Variants in COMMD1 observed in about 807,000 individuals in gnomAD.
COMMD1 encodes the protein COMM domain-containing protein 1.
Under a neutral mutation model 17.2 loss-of-function variants are expected in COMMD1, and 10 were observed. The ratio of observed to expected loss-of-function variants is 0.58; its 90% CI spans 0.36 to 0.99. The LOEUF (loss-of-function observed/expected upper bound fraction) is 0.99. Ranked by LOEUF, COMMD1 falls within the 50% of genes least tolerant of loss-of-function variation. The pLI, the probability that COMMD1 is intolerant of heterozygous loss-of-function variation, is 0.01. For missense variants in COMMD1, 270 were observed against 231.8 expected, an observed-to-expected ratio of 1.17 and a Z score of -1.07; for synonymous variants, 97 against 91.6, an observed-to-expected ratio of 1.06 and a Z score of -0.34.
chr2:61,992,318 T>A (rs1433963661), intron 1 of COMMD1, among the ~76,000 whole-genome samples: 6 of 152,236 alleles, frequency 3.9e-5, no homozygotes, highest in African/African-American at 1.4e-4. Flanking sequence ...TGGTGTTTAT[T>A]AAAACCGTGA....
intron 1 of COMMD1, among the ~76,000 whole-genome samples, chr2:61,925,532 G>T (rs765868742): frequency 2.0e-5 from 3 of 152,178 alleles, no homozygotes; most frequent in Admixed American, 2.0e-4. Flanking sequence ...ACCTCCCCCT[G>T]TGGGGTCTGG....
chr2:61,934,310 C>T (rs180940888), intron 1 of COMMD1, among the ~76,000 whole-genome samples: 267 of 152,226 alleles, frequency 1.8e-3, no homozygotes, highest in African/African-American at 5.4e-3. Context: ...GGGATGTCCA[C>T]AGTAAATGAA....
At chr2:62,111,539 G>A (rs930557668) in intron 2 of COMMD1, among the ~76,000 whole-genome samples, 1 of 152,170 alleles carries the variant, frequency 6.6e-6, no homozygotes, top group African/African-American at 2.4e-5. Flanking sequence ...CAGATATGGG[G>A]CAGGACCCTC....
chr2:62,115,851 TCTTTCTTTC>T (rs1672580195), intron 2 of COMMD1, among the ~76,000 whole-genome samples: 2 of 117,780 alleles, frequency 1.7e-5, no homozygotes, highest in East Asian at 2.2e-4. Context: ...TTTCTTTCTT[TCTTTCTTTC>T]TTTTTTTTTT....
intron 2 of COMMD1, among the ~76,000 whole-genome samples, chr2:62,093,762 C>T (rs1312394074): frequency 2.0e-5 from 3 of 152,114 alleles, no homozygotes; most frequent in African/African-American, 4.8e-5. Flanking sequence ...CTAGTAACTC[C>T]GAGACTTGGT....
At position 61,977,138 on chromosome 2, in the gene COMMD1, A is replaced by T. The variant is rs371624480; in HGVS notation, c.181-23563A>T. Among the ~76,000 whole-genome samples, 12 of 150,572 alleles carry T rather than the reference A, an allele frequency of 8.0e-5. No homozygotes were observed. The South Asian group carries it at 1.1e-3, about 13-fold the overall frequency. Reference sequence around the variant, plus strand: ...TGCCTGGCCATGATGTGGGATATTAATGGTGGGGTAAGCTTTGTTTGTGTG... The same window carrying T: ...TGCCTGGCCATGATGTGGGATATTATTGGTGGGGTAAGCTTTGTTTGTGTG... On this transcript the variant is annotated intron_variant, in intron 1 of 2. Transcript: ENST00000311832.
intron 2 of COMMD1, among the ~76,000 whole-genome samples, chr2:62,065,980 CAG>C (rs1275062445): frequency 6.6e-6 from 1 of 152,134 alleles, no homozygotes; most frequent in Non-Finnish European, 1.5e-5. Context: ...GAGTGTGAGA[CAG>C]ACTCAGGTGT....
intron 1 of COMMD1, chr2:61,969,081 C>T: frequency 4.6e-6 from 2 of 433,670 alleles, no homozygotes; most frequent in South Asian, 3.3e-5. Flanking sequence ...GCCTCAGCCT[C>T]CTGAGCAGCT....
chr2:61,960,878 C>T (rs542858308), intron 1 of COMMD1, among the ~76,000 whole-genome samples: 17 of 152,320 alleles, frequency 1.1e-4, no homozygotes, highest in Non-Finnish European at 1.9e-4. Context: ...CCTTGGCCCT[C>T]GGGCGAGGTT....
chr2:62,027,804 G>C (rs1573088334), intron 2 of COMMD1, among the ~76,000 whole-genome samples: 1 of 152,016 alleles, frequency 6.6e-6, no homozygotes, highest in African/African-American at 2.4e-5. Flanking sequence ...CTCATGAGTA[G>C]CTGGGACTAA....
intron 2 of COMMD1, among the ~76,000 whole-genome samples, chr2:62,006,698 C>T (rs984389908): frequency 6.6e-6 from 1 of 152,172 alleles, no homozygotes; most frequent in African/African-American, 2.4e-5. Flanking sequence ...GGCCATAAAT[C>T]ACTGTGAGAT....
intron 1 of COMMD1, among the ~76,000 whole-genome samples, chr2:61,931,044 G>A (rs1197025003): frequency 6.6e-6 from 1 of 152,104 alleles, no homozygotes; most frequent in Non-Finnish European, 1.5e-5. Flanking sequence ...GGGTATGGGG[G>A]CTCGTGCCTG....
At chr2:62,026,542 G>T (rs1669761919) in intron 2 of COMMD1, among the ~76,000 whole-genome samples, 1 of 152,166 alleles carries the variant, frequency 6.6e-6, no homozygotes, top group South Asian at 2.1e-4. Flanking sequence ...TGAGATTTGG[G>T]TGGGGACAAA....
At chr2:62,115,737 T>C (rs1056123009) in intron 2 of COMMD1, among the ~76,000 whole-genome samples, 1 of 152,058 alleles carries the variant, frequency 6.6e-6, no homozygotes, top group Non-Finnish European at 1.5e-5. Context: ...GAGAGAACGA[T>C]TGACAAAGCA....
At chr2:62,113,886 T>C (rs570695681) in intron 2 of COMMD1, among the ~76,000 whole-genome samples, 2 of 152,248 alleles carry the variant, frequency 1.3e-5, no homozygotes, top group African/African-American at 2.4e-5. Flanking sequence ...TTACTCTTCA[T>C]TGATGAAGAG....
intron 1 of COMMD1, among the ~76,000 whole-genome samples, chr2:61,930,431 C>T (rs935162286): frequency 1.3e-5 from 2 of 152,088 alleles, no homozygotes; most frequent in African/African-American, 4.8e-5. Flanking sequence ...TGGCACGTGC[C>T]TGTAATCTCA....
intron 2 of COMMD1, chr2:62,069,959 A>G (rs1464895574): frequency 6.6e-6 from 1 of 152,226 alleles, no homozygotes; most frequent in Admixed American, 6.5e-5. Context: ...ATACTGCAAT[A>G]TTTCAATTCT....
chr2:62,105,198 G>A (rs1276342778), intron 2 of COMMD1, among the ~76,000 whole-genome samples: 1 of 151,530 alleles, frequency 6.6e-6, no homozygotes, highest in African/African-American at 2.4e-5. Context: ...ATAAACAAAT[G>A]CTAAGAAAAC....
At chr2:62,124,212 T>C (rs2104083152) in intron 2 of COMMD1, among the ~76,000 whole-genome samples, 1 of 152,196 alleles carries the variant, frequency 6.6e-6, no homozygotes, top group Middle Eastern at 3.4e-3. Context: ...GGCAGGAGAA[T>C]TGCTTGTACC....
Sources: gnomAD v4.1 joint callset for allele counts (sites outside exome capture counted in the v4.1 genomes callset) on GRCh38, gnomAD v4.1.1 for gene constraint, MANE v1.5 for transcripts, NCBI Gene and HGNC (gene_info 2026-07-23, HGNC 2026-07-21) for gene names.